MTCL2: variants seen among roughly 807,000 people sequenced by gnomAD.
MTCL2 encodes the protein microtubule cross-linking factor 2.
the MTCL2 span, among the ~76,000 whole-genome samples, chr20:36,791,592 G>A: frequency 1.3e-5 from 2 of 152,170 alleles, no homozygotes; most frequent in East Asian, 1.9e-4. Context: ...CCATAGACTG[G>A]ACCAAGGGGT....
At chr20:36,798,657 C>A in the MTCL2 span, among the ~76,000 whole-genome samples, 1 of 152,300 alleles carries the variant, frequency 6.6e-6, no homozygotes, top group East Asian at 1.9e-4. Flanking sequence ...TAAGGTGGAC[C>A]AAACTGTGGG....
At chr20:36,813,661 A>C in the MTCL2 span, among the ~76,000 whole-genome samples, 1 of 139,466 alleles carries the variant, frequency 7.2e-6, no homozygotes, top group South Asian at 2.4e-4. Flanking sequence ...AATTTCAGCT[A>C]CCCGGAAGGC....
At chr20:36,793,809 T>C in the MTCL2 span, 1 of 1,542,320 alleles carries the variant, frequency 6.5e-7, no homozygotes, top group Non-Finnish European at 8.7e-7. This position sits in a 1 kb window ranked among gnomAD's most constrained non-coding sequence, Gnocchi z 6.8. Flanking sequence ...GAATGGACCT[T>C]GTCCAGGGAG....
At chr20:36,817,640 C>T in the MTCL2 span, among the ~76,000 whole-genome samples, 1 of 152,124 alleles carries the variant, frequency 6.6e-6, no homozygotes, top group East Asian at 1.9e-4. Context: ...CTCCAGATCA[C>T]CCAGTGAGCA....
the MTCL2 span, among the ~76,000 whole-genome samples, chr20:36,834,021 TGG>T: frequency 6.6e-6 from 1 of 151,600 alleles, no homozygotes; most frequent in Non-Finnish European, 1.5e-5. Flanking sequence ...AAAAATTAGC[TGG>T]GTATGGTGGC....
At chr20:36,791,770 C>T in the MTCL2 span, among the ~76,000 whole-genome samples, 57 of 152,162 alleles carry the variant, frequency 3.7e-4, no homozygotes, top group Middle Eastern at 3.4e-3. Context: ...GAGAGAGAAA[C>T]AGAGAAAAAG....
the MTCL2 span, among the ~76,000 whole-genome samples, chr20:36,848,990 A>C: frequency 2.6e-5 from 4 of 151,788 alleles, no homozygotes; most frequent in South Asian, 4.2e-4. Flanking sequence ...TTATGAGTTA[A>C]TAAGCACACA....
chr20:36,808,808 C>T, the MTCL2 span: 2 of 1,437,308 alleles, frequency 1.4e-6, no homozygotes, highest in African/African-American at 1.4e-5. Context: ...CTTTCTGGGC[C>T]CCTGGACAGG....
chr20:36,838,784 A>C, the MTCL2 span, among the ~76,000 whole-genome samples: 1 of 152,032 alleles, frequency 6.6e-6, no homozygotes, highest in Non-Finnish European at 1.5e-5. Context: ...GCTGGCCAAC[A>C]TGGTGAAACC....
chr20:36,816,072 G>A, the MTCL2 span: 1 of 1,613,488 alleles, frequency 6.2e-7, no homozygotes, highest in Non-Finnish European at 8.5e-7. Context: ...CAGCAGGTTG[G>A]CTTCCTCCTC....
the MTCL2 span, among the ~76,000 whole-genome samples, chr20:36,810,717 C>CCTCTCTCTCTCTCTCTCTCTCTCT: frequency 1.1e-3 from 103 of 94,252 alleles, 3 homozygotes; most frequent in Non-Finnish European, 1.4e-3. Context: ...TCTCTCTCTC[C>CCTCTCTCTCTCTCTCTCTCTCTCT]CTCTCTCTCT....
chr20:36,854,016 G>C, the MTCL2 span, among the ~76,000 whole-genome samples: 1 of 152,106 alleles, frequency 6.6e-6, no homozygotes, highest in Non-Finnish European at 1.5e-5. Context: ...TCAGAGCAGG[G>C]GTCTGAGGTC....
the MTCL2 span, chr20:36,810,072 G>A: frequency 4.9e-5 from 78 of 1,598,744 alleles, no homozygotes; most frequent in Non-Finnish European, 5.5e-5. Flanking sequence ...GGAGGCTGTC[G>A]TGGGCCTCAG....
the MTCL2 span, among the ~76,000 whole-genome samples, chr20:36,841,438 G>A: frequency 4.7e-5 from 7 of 150,102 alleles, no homozygotes; most frequent in Non-Finnish European, 8.9e-5. Flanking sequence ...TATGTTAGGG[G>A]ACATGATCAG....
the MTCL2 span, among the ~76,000 whole-genome samples, chr20:36,822,819 A>T: frequency 2.0e-5 from 3 of 150,272 alleles, no homozygotes; most frequent in Non-Finnish European, 3.0e-5. Context: ...GTGCAGTGGC[A>T]TGATCTCGGC....
chr20:36,834,716 A>G, the MTCL2 span, among the ~76,000 whole-genome samples: 1 of 151,998 alleles, frequency 6.6e-6, no homozygotes, highest in East Asian at 1.9e-4. Flanking sequence ...GAAAACCACA[A>G]CCAGACCAGG....
chr20:36,805,531 C>T, the MTCL2 span, among the ~76,000 whole-genome samples: 1 of 152,332 alleles, frequency 6.6e-6, no homozygotes, highest in South Asian at 2.1e-4. Flanking sequence ...CTTGCCACAC[C>T]TTGGCACACA....
At chr20:36,827,796 C>T in the MTCL2 span, among the ~76,000 whole-genome samples, 3 of 152,240 alleles carry the variant, frequency 2.0e-5, no homozygotes, top group South Asian at 6.2e-4. Context: ...TGTACCGTGA[C>T]CTTAAGATGC....
the MTCL2 span, among the ~76,000 whole-genome samples, chr20:36,831,170 A>G: frequency 6.6e-6 from 1 of 152,170 alleles, no homozygotes; most frequent in Non-Finnish European, 1.5e-5. Flanking sequence ...GGAAATTGCA[A>G]CCAGACTCCA....
Sources: allele counts gnomAD v4.1 joint callset (sites outside exome capture counted in the v4.1 genomes callset), GRCh38; gene constraint gnomAD v4.1.1; non-coding constraint Gnocchi (gnomAD v3.1); transcripts MANE v1.5; gene names NCBI Gene and HGNC (gene_info 2026-07-23, HGNC 2026-07-21).